Variants in PBX3 observed in about 807,000 individuals in gnomAD.
PBX3 encodes the protein PBX homeobox 3.
A neutral mutation model predicts 48.5 loss-of-function variants in PBX3; 14 were observed. The observed-to-expected ratio is 0.29, with a 90% confidence interval of 0.19 to 0.45. PBX3 has a LOEUF of 0.45. PBX3 is among the 20% of genes least tolerant of loss of function. The pLI, the probability that PBX3 is intolerant of heterozygous loss-of-function variation, is 1.00. For missense variants in PBX3, 386 were observed against 546.7 expected, an observed-to-expected ratio of 0.71 and a Z score of 2.93; for synonymous variants, 210 against 200.3, an observed-to-expected ratio of 1.05 and a Z score of -0.41.
At chr9:125,841,261 AT>A (rs1271800059) in intron 2 of PBX3, among the ~76,000 whole-genome samples, 5 of 152,206 alleles carry the variant, frequency 3.3e-5, no homozygotes, top group Non-Finnish European at 7.4e-5. Context: ...TATTTGAATA[AT>A]TGGGTAAATA....
At chr9:125,886,352 A>G (rs1452656025) in intron 2 of PBX3, among the ~76,000 whole-genome samples, 1 of 152,142 alleles carries the variant, frequency 6.6e-6, no homozygotes, top group Non-Finnish European at 1.5e-5. Flanking sequence ...AACAGTTAAG[A>G]GATTTTTATC....
intron 2 of PBX3, among the ~76,000 whole-genome samples, chr9:125,771,140 G>A (rs929729100): frequency 2.6e-5 from 4 of 152,166 alleles, no homozygotes; most frequent in African/African-American, 9.6e-5. Flanking sequence ...TTTGTCAAAG[G>A]TTCTGGGAAA....
chr9:125,866,198 A>G (rs73667101), intron 2 of PBX3, among the ~76,000 whole-genome samples: 5,935 of 152,256 alleles, frequency 0.039, 405 homozygotes, highest in African/African-American at 0.13. Context: ...ACTGAATAGT[A>G]TATTGTGGAT....
rs192603390 is a variant in PBX3 at position 125,826,776 on chromosome 9, G to A, written c.274+78153G>A. Among the ~76,000 whole-genome samples the A allele has an allele frequency of 4.2e-3, 643 of 152,134 alleles. 5 individuals carry two copies. Among genetic ancestry groups the A allele is most frequent in the African/African-American group, 0.015 (613 of 41,512 alleles). ...ACATAATATTTTCTATATTTATGGTGTACATGTGATATTTTGTTGCATGCA... is the reference window on the plus strand; with the variant it reads ...ACATAATATTTTCTATATTTATGGTATACATGTGATATTTTGTTGCATGCA... On this transcript the variant is annotated intron_variant, in intron 2 of 8. Coordinates refer to ENST00000373489, the MANE Select transcript of PBX3 (RefSeq NM_006195.6).
At chr9:125,891,669 A>G (rs1840646958) in intron 2 of PBX3, among the ~76,000 whole-genome samples, 1 of 152,256 alleles carries the variant, frequency 6.6e-6, no homozygotes, top group Non-Finnish European at 1.5e-5. Context: ...TTCTTTAAAA[A>G]TGACAAAGTT....
intron 2 of PBX3, among the ~76,000 whole-genome samples, chr9:125,769,409 A>C (rs900760023): frequency 2.6e-5 from 4 of 152,216 alleles, no homozygotes; most frequent in African/African-American, 9.6e-5. Flanking sequence ...CAGAACTACA[A>C]GTCTGTGTAA....
intron 4 of PBX3, among the ~76,000 whole-genome samples, chr9:125,934,578 C>A (rs1054595189): frequency 2.0e-5 from 3 of 152,144 alleles, no homozygotes; most frequent in Non-Finnish European, 4.4e-5. Context: ...AAGTCTGTTA[C>A]CCCCTTCCCA....
intron 2 of PBX3, among the ~76,000 whole-genome samples, chr9:125,862,812 A>G (rs1839892710): frequency 1.3e-5 from 2 of 152,168 alleles, no homozygotes; most frequent in South Asian, 4.1e-4. Flanking sequence ...GTCAGATTTG[A>G]ATGTGAATTA....
chr9:125,959,273 AG>A (rs1372234065), intron 5 of PBX3, among the ~76,000 whole-genome samples: 2 of 152,252 alleles, frequency 1.3e-5, no homozygotes, highest in Non-Finnish European at 2.9e-5. Flanking sequence ...AGAAACAGCT[AG>A]GAAGTGCTGA....
At chr9:125,772,729 T>G (rs1473384215) in intron 2 of PBX3, among the ~76,000 whole-genome samples, 2 of 152,168 alleles carry the variant, frequency 1.3e-5, no homozygotes, top group Non-Finnish European at 2.9e-5. Flanking sequence ...CTTAATAAAT[T>G]GCAGCTATTG....
intron 1 of PBX3, chr9:125,748,034 C>T (rs1011771811): frequency 3.7e-5 from 6 of 160,690 alleles, no homozygotes; most frequent in Non-Finnish European, 7.9e-5. Flanking sequence ...CTCCCGCGGC[C>T]GCGGGACGAC....
At chr9:125,844,290 C>CTT (rs76961851) in intron 2 of PBX3, among the ~76,000 whole-genome samples, 5 of 128,010 alleles carry the variant, frequency 3.9e-5, no homozygotes, top group South Asian at 2.5e-4. Context: ...AGAATGCCAC[C>CTT]TTTTTTTTTT....
chr9:125,841,893 C>T (rs1411327566), intron 2 of PBX3, among the ~76,000 whole-genome samples: 1 of 152,082 alleles, frequency 6.6e-6, no homozygotes, highest in African/African-American at 2.4e-5. Flanking sequence ...GATAGTTTGA[C>T]CTCAGTGCTT....
At chr9:125,954,312 C>T (rs1842255954) in intron 5 of PBX3, among the ~76,000 whole-genome samples, 1 of 152,066 alleles carries the variant, frequency 6.6e-6, no homozygotes, top group Non-Finnish European at 1.5e-5. Flanking sequence ...TAGTTTTAAA[C>T]TAACTATAAT....
At position 125,851,870 on chromosome 9, in the gene PBX3, C is replaced by CTTTT. The variant is rs1164910184; in HGVS notation, c.275-63800_275-63797dup. On this transcript the variant is annotated intron_variant, in intron 2 of 8. Coordinates refer to ENST00000373489, the MANE Select transcript of PBX3 (RefSeq NM_006195.6). ...TAGAGAATTCAAAAAATTTTTGCTG[C>CTTTT]TTTTTTTTTTTTTTTTTTTACAAAG... Among the ~76,000 whole-genome samples, 227 of 121,444 alleles carry CTTTT rather than the reference C, an allele frequency of 1.9e-3. 1 individual carries two copies. The highest frequency in any genetic ancestry group is 6.5e-3 in the African/African-American group (220 of 33,834). 79.7% of individuals were successfully genotyped at this position (121,444 alleles called of 152,430 possible).
intron 2 of PBX3, among the ~76,000 whole-genome samples, chr9:125,811,997 G>A (rs1352453804): frequency 4.6e-5 from 7 of 152,146 alleles, no homozygotes; most frequent in African/African-American, 1.4e-4. Flanking sequence ...TAATACCCTT[G>A]TAAAATAGGC....
intron 2 of PBX3, among the ~76,000 whole-genome samples, chr9:125,869,364 T>C (rs558177110): frequency 2.0e-5 from 3 of 152,302 alleles, no homozygotes; most frequent in South Asian, 2.1e-4. Flanking sequence ...CAAGTAGATA[T>C]TTAGCTGAGA....
rs1554725506 is a variant in PBX3 at position 125,897,149 on chromosome 9, T to TTG, written c.275-18536_275-18535insGT. 1.9e-4 allele frequency among the ~76,000 whole-genome samples: 26 copies of TTG among 134,558 alleles called. No homozygotes were observed. The South Asian group carries it at 5.1e-3, about 26-fold the overall frequency. 88.3% of individuals were successfully genotyped at this position (134,558 alleles called of 152,430 possible). ...CTTTATATTCATTTGTGGTTTTTTTTTTTTTTTTTTTTTCCTGTGCAAACA... is the reference window on the plus strand; with the variant it reads ...CTTTATATTCATTTGTGGTTTTTTTTTGTTTTTTTTTTTTTCCTGTGCAAACA... On this transcript the variant is annotated intron_variant, in intron 2 of 8. Coordinates refer to ENST00000373489, the MANE Select transcript of PBX3 (RefSeq NM_006195.6).
intron 2 of PBX3, among the ~76,000 whole-genome samples, chr9:125,902,095 G>T (rs1340521312): frequency 6.6e-6 from 1 of 151,076 alleles, no homozygotes; most frequent in Non-Finnish European, 1.5e-5. Context: ...TTTTTTAAGA[G>T]AAATGATGGT....
Sources: gnomAD v4.1 joint callset for allele counts (sites outside exome capture counted in the v4.1 genomes callset) on GRCh38, gnomAD v4.1.1 for gene constraint, MANE v1.5 for transcripts, NCBI Gene and HGNC (gene_info 2026-07-23, HGNC 2026-07-21) for gene names.